UNC5C: variants seen among roughly 807,000 people sequenced by gnomAD.
UNC5C encodes the protein netrin receptor UNC5C.
UNC5C carries 47 observed loss-of-function variants against 99.8 expected under a neutral mutation model. The observed-to-expected ratio is 0.47, with a 90% CI of 0.37 to 0.60. The LOEUF is 0.60. Among genes scored for constraint, UNC5C ranks in the 20% least tolerant of loss-of-function variants. UNC5C has a pLI of 0.00. For missense variants in UNC5C, 1,062 were observed against 1,165.9 expected, an observed-to-expected ratio of 0.91 and a Z score of 1.30; for synonymous variants, 487 against 452.2, an observed-to-expected ratio of 1.08 and a Z score of -0.98.
intron 1 of UNC5C, among the ~76,000 whole-genome samples, chr4:95,439,824 C>A (rs1746898196): frequency 6.6e-6 from 1 of 152,068 alleles, no homozygotes; most frequent in African/African-American, 2.4e-5. Context: ...GTATTGACCC[C>A]ACAGGCACTA....
intron 3 of UNC5C, among the ~76,000 whole-genome samples, chr4:95,296,340 G>A (rs908590265): frequency 1.3e-5 from 2 of 152,208 alleles, no homozygotes; most frequent in East Asian, 3.9e-4. Context: ...GGGTGAAAAG[G>A]TACCTTGGAT....
chr4:95,305,940 AAT>A (rs774314154), intron 2 of UNC5C, among the ~76,000 whole-genome samples: 16 of 152,182 alleles, frequency 1.1e-4, no homozygotes, highest in Non-Finnish European at 1.8e-4. Context: ...GCATATGCTT[AAT>A]TTCATAATAG....
At position 95,548,886 on chromosome 4, in the gene UNC5C, G is replaced by T; in HGVS notation, c.-29C>A. 1 of 1,610,610 alleles carries T rather than the reference G, an allele frequency of 6.2e-7. No homozygotes were observed. Among genetic ancestry groups the T allele is most frequent in the Non-Finnish European group, 8.5e-7 (1 of 1,178,814 alleles). Reference sequence around the variant, plus strand: ...AGACAGAGGTGTGCCGGGGGGAGGGGAGGGGGACAGAGAGACGCGCAAACA... The same window carrying T: ...AGACAGAGGTGTGCCGGGGGGAGGGTAGGGGGACAGAGAGACGCGCAAACA... On this transcript the variant is annotated 5_prime_UTR_variant, in exon 1 of 16. Transcript: ENST00000453304.
At chr4:95,333,334 A>T (rs1452537828) in intron 2 of UNC5C, among the ~76,000 whole-genome samples, 1 of 152,210 alleles carries the variant, frequency 6.6e-6, no homozygotes, top group Non-Finnish European at 1.5e-5. Flanking sequence ...ATGTCCAACA[A>T]CGATAGATTG....
chr4:95,191,982 TC>T (rs1247314932), intron 12 of UNC5C, among the ~76,000 whole-genome samples: 17 of 81,212 alleles, frequency 2.1e-4, no homozygotes, highest in African/African-American at 6.8e-4. Context: ...CCTCCTCCCC[TC>T]CCCCCTGCTA....
intron 7 of UNC5C, among the ~76,000 whole-genome samples, chr4:95,238,980 A>ACAT (rs1739228938): frequency 6.6e-6 from 1 of 152,126 alleles, no homozygotes; most frequent in Non-Finnish European, 1.5e-5. Flanking sequence ...TTGTCTTTTT[A>ACAT]CATCTACTTT....
intron 4 of UNC5C, among the ~76,000 whole-genome samples, chr4:95,261,752 G>T (rs949142828): frequency 2.7e-5 from 4 of 150,166 alleles, no homozygotes; most frequent in African/African-American, 9.9e-5. Flanking sequence ...CGCCCAGGCT[G>T]GAGTGCGGTG....
intron 12 of UNC5C, among the ~76,000 whole-genome samples, chr4:95,187,536 C>T (rs1286694885): frequency 6.6e-6 from 1 of 152,212 alleles, no homozygotes; most frequent in Non-Finnish European, 1.5e-5. Context: ...AAAACCCAAA[C>T]TGCCTATTGG....
chr4:95,386,564 A>G (rs1304643003), intron 1 of UNC5C, among the ~76,000 whole-genome samples: 1 of 152,150 alleles, frequency 6.6e-6, no homozygotes, highest in Non-Finnish European at 1.5e-5. Context: ...GGCTTTGATC[A>G]CACACCACTG....
chr4:95,543,699 T>C (rs1012642488), intron 1 of UNC5C, among the ~76,000 whole-genome samples: 7 of 152,228 alleles, frequency 4.6e-5, no homozygotes, highest in Admixed American at 4.6e-4. Flanking sequence ...ATAGTGTTCA[T>C]GGATTTATGA....
chr4:95,463,756 C>T (rs2149471944), intron 1 of UNC5C, among the ~76,000 whole-genome samples: 1 of 152,242 alleles, frequency 6.6e-6, no homozygotes, highest in African/African-American at 2.4e-5. Context: ...TTCATTTATT[C>T]AATAGAACTG....
rs546439804 is a variant in UNC5C at position 95,419,047 on chromosome 4, TAA to T, written c.125-83418_125-83417del. Among the ~76,000 whole-genome samples the T allele has an allele frequency of 2.6e-3, 401 of 152,224 alleles. 1 individual carries two copies. The highest frequency in any genetic ancestry group is 9.4e-3 in the African/African-American group (390 of 41,536). On this transcript the variant is annotated intron_variant, in intron 1 of 15. Transcript: ENST00000453304. The stretch of plus-strand genomic sequence containing the variant: ...TTTAAGCATCTCTTATTTTTTCCCA[TAA>T]AGAGATATTTAGAATTGAAATAATA...
At chr4:95,449,218 C>G (rs1159335218) in intron 1 of UNC5C, among the ~76,000 whole-genome samples, 1 of 152,190 alleles carries the variant, frequency 6.6e-6, no homozygotes, top group African/African-American at 2.4e-5. Flanking sequence ...ACCAGTTAAG[C>G]CCTCAACTTG....
At chr4:95,274,584 C>T (rs1740787191) in intron 4 of UNC5C, among the ~76,000 whole-genome samples, 1 of 152,042 alleles carries the variant, frequency 6.6e-6, no homozygotes, top group African/African-American at 2.4e-5. Flanking sequence ...TCCTCTGAGA[C>T]TTACTTTGTC....
intron 7 of UNC5C, among the ~76,000 whole-genome samples, chr4:95,236,816 G>A (rs1739136727): frequency 6.6e-6 from 1 of 152,042 alleles, no homozygotes; most frequent in African/African-American, 2.4e-5. Context: ...TTTAATGGAA[G>A]TACTATGTGT....
At chr4:95,328,040 C>CTTTTTTTTTTTTTTTTTTTTTTTTATTTT (rs34794058) in intron 2 of UNC5C, among the ~76,000 whole-genome samples, 5 of 87,096 alleles carry the variant, frequency 5.7e-5, no homozygotes, top group East Asian at 4.7e-4. Flanking sequence ...CAGGCAACTT[C>CTTTTTTTTTTTTTTTTTTTTTTTTATTTT]TTTTTTTTTT....
chr4:95,444,642 T>G (rs1199756764), intron 1 of UNC5C, among the ~76,000 whole-genome samples: 1 of 152,124 alleles, frequency 6.6e-6, no homozygotes, highest in African/African-American at 2.4e-5. Flanking sequence ...GCATTGCCTT[T>G]TAAAGCACTT....
intron 1 of UNC5C, among the ~76,000 whole-genome samples, chr4:95,455,438 G>A (rs1382101996): frequency 1.3e-5 from 2 of 152,018 alleles, no homozygotes; most frequent in Non-Finnish European, 2.9e-5. Context: ...GGAGGTTGAG[G>A]CAGGAGCATT....
intron 10 of UNC5C, among the ~76,000 whole-genome samples, chr4:95,212,699 A>T (rs1738114205): frequency 6.6e-6 from 1 of 152,062 alleles, no homozygotes; most frequent in South Asian, 2.1e-4. Flanking sequence ...CACTGAACGC[A>T]TCCAAACTGG....
Sources: gnomAD v4.1 joint callset for allele counts (sites outside exome capture counted in the v4.1 genomes callset) on GRCh38, gnomAD v4.1.1 for gene constraint, MANE v1.5 for transcripts, NCBI Gene and HGNC (gene_info 2026-07-23, HGNC 2026-07-21) for gene names.